LYPD6B: variants seen among roughly 807,000 people sequenced by gnomAD.
LYPD6B encodes the protein ly6/PLAUR domain-containing protein 6B.
In LYPD6B, 17 loss-of-function variants were observed where a neutral mutation model predicts 22.8. That is an observed-to-expected ratio of 0.75 (90% CI 0.51 to 1.12). LYPD6B has a LOEUF of 1.12. LYPD6B is among the 50% of genes most tolerant of loss of function. LYPD6B has a pLI of 0.00. For synonymous variants in LYPD6B, 106 were observed against 91.6 expected (o/e 1.16, Z -0.90); for missense variants, 221 against 258.3 (o/e 0.86, Z 0.99).
chr2:149,054,774 G>A (rs1191198351), intron 1 of LYPD6B, among the ~76,000 whole-genome samples: 1 of 152,044 alleles, frequency 6.6e-6, no homozygotes, highest in Non-Finnish European at 1.5e-5. Context: ...AGCTACCCAG[G>A]TGGCTGAGGC....
At chr2:149,151,754 G>C (rs911220885) in intron 2 of LYPD6B, among the ~76,000 whole-genome samples, 42 of 152,140 alleles carry the variant, frequency 2.8e-4, no homozygotes, top group Non-Finnish European at 1.0e-4. Context: ...CTCTCCAGGT[G>C]ATTCTGATGT....
chr2:149,206,392 A>G (rs1310102962), intron 4 of LYPD6B, among the ~76,000 whole-genome samples: 1 of 152,094 alleles, frequency 6.6e-6, no homozygotes, highest in Non-Finnish European at 1.5e-5. Flanking sequence ...GTGCATATAT[A>G]CACATGTATA....
intron 3 of LYPD6B, among the ~76,000 whole-genome samples, chr2:149,193,136 C>T (rs1473777145): frequency 6.6e-6 from 1 of 152,072 alleles, no homozygotes; most frequent in Non-Finnish European, 1.5e-5. Flanking sequence ...TCGGTGCTTC[C>T]CCAGGCCTCT....
Position 149,117,573 on chromosome 2 carries a change from G to C in LYPD6B, c.-66-13310G>C, listed in dbSNP as rs1687069773. ...CTTTTGGAATTAGTGTGGCATTTTG[G>C]GGATTTGTCAATGTGTGAAGTGGTT... On this transcript the variant is annotated intron_variant, in intron 1 of 6. Transcript: ENST00000409642. Among the ~76,000 whole-genome samples, 3 of 152,030 alleles carry C rather than the reference G, an allele frequency of 2.0e-5. No homozygotes were observed. The South Asian group carries it at 6.2e-4, about 32-fold the overall frequency.
chr2:149,052,489 T>C (rs1392396711), intron 1 of LYPD6B, among the ~76,000 whole-genome samples: 1 of 152,226 alleles, frequency 6.6e-6, no homozygotes, highest in Non-Finnish European at 1.5e-5. Context: ...ATTTTATCAC[T>C]CTGGTAATCT....
At chr2:149,077,007 G>A (rs952063082) in intron 1 of LYPD6B, among the ~76,000 whole-genome samples, 2 of 152,160 alleles carry the variant, frequency 1.3e-5, no homozygotes, top group Non-Finnish European at 2.9e-5. Flanking sequence ...AGTAGGTGCA[G>A]GGTTTGTAGC....
At chr2:149,175,403 G>A (rs1181483783) in intron 3 of LYPD6B, among the ~76,000 whole-genome samples, 1 of 152,210 alleles carries the variant, frequency 6.6e-6, no homozygotes, top group Non-Finnish European at 1.5e-5. Flanking sequence ...CATTTACCAT[G>A]AATAGAACTT....
At chr2:149,097,071 T>C (rs1685935590) in intron 1 of LYPD6B, among the ~76,000 whole-genome samples, 1 of 152,238 alleles carries the variant, frequency 6.6e-6, no homozygotes, top group South Asian at 2.1e-4. Context: ...ATTATTATTA[T>C]GCATAAAACG....
intron 3 of LYPD6B, among the ~76,000 whole-genome samples, chr2:149,198,322 A>G (rs1575166062): frequency 6.6e-6 from 1 of 152,156 alleles, no homozygotes; most frequent in African/African-American, 2.4e-5. Flanking sequence ...GATTACAGGC[A>G]TGAGCCACCG....
At chr2:149,110,616 A>G (rs1028607573) in intron 1 of LYPD6B, among the ~76,000 whole-genome samples, 1 of 152,176 alleles carries the variant, frequency 6.6e-6, no homozygotes, top group Non-Finnish European at 1.5e-5. Flanking sequence ...AGGTTTTTCA[A>G]TCTGACTACT....
chr2:149,095,034 G>A (rs1188651005), intron 1 of LYPD6B, among the ~76,000 whole-genome samples: 1 of 152,216 alleles, frequency 6.6e-6, no homozygotes, highest in Non-Finnish European at 1.5e-5. Context: ...GCTCACGCCT[G>A]TAATCAATCC....
intron 3 of LYPD6B, among the ~76,000 whole-genome samples, chr2:149,164,137 C>G (rs968875283): frequency 6.6e-6 from 1 of 152,012 alleles, no homozygotes. Context: ...GATTTAATCT[C>G]CTCTGGTTGA....
chr2:149,199,896 C>T (rs530004561), intron 3 of LYPD6B, among the ~76,000 whole-genome samples: 1 of 152,290 alleles, frequency 6.6e-6, no homozygotes, highest in African/African-American at 2.4e-5. Context: ...GACTAAGCCC[C>T]ACCTGTGTTC....
chr2:149,170,339 C>G (rs879603931), intron 3 of LYPD6B, among the ~76,000 whole-genome samples: 1 of 152,170 alleles, frequency 6.6e-6, no homozygotes, highest in Non-Finnish European at 1.5e-5. Context: ...TTGACATATG[C>G]CATCATAGAT....
intron 3 of LYPD6B, among the ~76,000 whole-genome samples, chr2:149,176,736 T>C (rs1410013699): frequency 1.3e-5 from 2 of 152,172 alleles, no homozygotes; most frequent in East Asian, 1.9e-4. Context: ...AGGCAGTTGA[T>C]AAGACCTGCC....
chr2:149,193,243 TA>T (rs1342631303), intron 3 of LYPD6B, among the ~76,000 whole-genome samples: 1 of 152,080 alleles, frequency 6.6e-6, no homozygotes, highest in East Asian at 1.9e-4. Flanking sequence ...AAAAAAGGAA[TA>T]AAAAACAGAA....
intron 1 of LYPD6B, among the ~76,000 whole-genome samples, chr2:149,056,953 G>A (rs1004475182): frequency 3.9e-5 from 6 of 152,116 alleles, no homozygotes; most frequent in African/African-American, 1.4e-4. Context: ...AACTTTCTTT[G>A]TAAAGAGCAT....
At chr2:149,187,484 G>A (rs1477745103) in intron 3 of LYPD6B, 11 of 1,515,358 alleles carry the variant, frequency 7.3e-6, no homozygotes, top group Non-Finnish European at 8.8e-6. Context: ...CAAAGGAAAT[G>A]CAGAAGAGAT....
chr2:149,120,385 T>TATATATA lies in LYPD6B; in HGVS notation c.-66-10498_-66-10497insATATATA, dbSNP rs56118666. On this transcript the variant is annotated intron_variant, in intron 1 of 6. Coordinates refer to ENST00000409642, the MANE Select transcript of LYPD6B (RefSeq NM_177964.5). ...TGTATATATATATATATATATATAT[T>TATATATA]TTTTTTTTTTTTTTTTTGAGATGGA... 1.1e-3 allele frequency among the ~76,000 whole-genome samples: 59 copies of TATATATA among 54,714 alleles called. 1 individual carries two copies. Among genetic ancestry groups the TATATATA allele is most frequent in the Non-Finnish European group, 1.4e-3 (46 of 33,246 alleles). The allele number at this position is 54,714 out of a possible 152,430, so 35.9% of individuals were successfully genotyped here.
Sources: allele counts gnomAD v4.1 joint callset (sites outside exome capture counted in the v4.1 genomes callset), GRCh38; gene constraint gnomAD v4.1.1; transcripts MANE v1.5; gene names NCBI Gene and HGNC (gene_info 2026-07-23, HGNC 2026-07-21).